Variants in TACR3 observed in about 807,000 individuals in gnomAD.
The protein encoded by TACR3 is tachykinin receptor 3.
A neutral mutation model predicts 35.0 loss-of-function variants in TACR3; 34 were observed. The observed-to-expected ratio is 0.97, with a 90% CI of 0.74 to 1.30. The LOEUF (loss-of-function observed/expected upper bound fraction) is 1.30, where lower values mean the gene tolerates loss of function less well. Ranked by LOEUF, TACR3 falls within the 50% of genes most tolerant of loss-of-function variation. The pLI is 0.00. For synonymous variants in TACR3, 233 were observed against 221.1 expected, an observed-to-expected ratio of 1.05 and a Z score of -0.48; for missense variants, 558 against 591.7, an observed-to-expected ratio of 0.94 and a Z score of 0.59.
intron 1 of TACR3, among the ~76,000 whole-genome samples, chr4:103,716,787 T>C (rs1171131638): frequency 6.6e-6 from 1 of 152,218 alleles, no homozygotes; most frequent in Non-Finnish European, 1.5e-5. Flanking sequence ...TAGGTTGATA[T>C]AATTCAGTTT....
chr4:103,643,980 T>A (rs1328844612), intron 3 of TACR3, among the ~76,000 whole-genome samples: 2 of 151,764 alleles, frequency 1.3e-5, no homozygotes, highest in African/African-American at 2.4e-5. Context: ...TCTTTTCTTA[T>A]CTTTTTAAAA....
At chr4:103,706,573 T>C (rs541017142) in intron 1 of TACR3, among the ~76,000 whole-genome samples, 25 of 152,256 alleles carry the variant, frequency 1.6e-4, no homozygotes, top group African/African-American at 5.5e-4. Context: ...GTATATAATG[T>C]ACTATACATG....
chr4:103,629,546 A>T (rs1160281433), intron 3 of TACR3, among the ~76,000 whole-genome samples: 12 of 152,148 alleles, frequency 7.9e-5, no homozygotes, highest in Non-Finnish European at 1.2e-4. Context: ...CACAATTGCT[A>T]CAAAGAGAAT....
intron 1 of TACR3, among the ~76,000 whole-genome samples, chr4:103,704,254 A>G (rs1170467217): frequency 1.3e-5 from 2 of 152,162 alleles, no homozygotes; most frequent in African/African-American, 4.8e-5. Flanking sequence ...CAAAGTTTGT[A>G]ACTTGTGAAT....
chr4:103,715,002 G>C (rs1723058327), intron 1 of TACR3, among the ~76,000 whole-genome samples: 1 of 152,094 alleles, frequency 6.6e-6, no homozygotes, highest in Non-Finnish European at 1.5e-5. Flanking sequence ...TAGCATAGAA[G>C]ACCAATTTTT....
Position 103,705,700 on chromosome 4 carries a change from C to T in TACR3, c.548+13428G>A, listed in dbSNP as rs950941599. ...TGAACTGTTATCTAAAAGAGGAGTA[C>T]ATTTAGCTAATGAGGAATTGGAAGA... On this transcript the variant is annotated intron_variant, in intron 1 of 4. Coordinates refer to ENST00000304883, the MANE Select transcript of TACR3 (RefSeq NM_001059.3). 2.6e-5 allele frequency among the ~76,000 whole-genome samples: 4 copies of T among 152,168 alleles called. No individual in the cohort carries two copies. In the East Asian group the frequency reaches 7.7e-4, roughly 29 times the overall value.
intron 3 of TACR3, among the ~76,000 whole-genome samples, chr4:103,604,979 C>A (rs1390058711): frequency 8.2e-6 from 1 of 121,418 alleles, no homozygotes; most frequent in Non-Finnish European, 1.7e-5. Context: ...ATCCCTCCCC[C>A]CTCCCCCCAC....
In TACR3 at chr4:103,614,869, G is replaced by C. The variant is rs1724599101; in HGVS notation, c.889-23186C>G. On this transcript the variant is annotated intron_variant, in intron 3 of 4. Transcript: ENST00000304883. The stretch of plus-strand genomic sequence containing the variant: ...TTAAATCATTAGCACTATAACCTAA[G>C]TTGATTATGAATGTGTTTTTTTTTT... 3.2e-5 allele frequency among the ~76,000 whole-genome samples: 4 copies of C among 125,708 alleles called. No individual in the cohort carries two copies. In the South Asian group the frequency reaches 1.1e-3, roughly 34 times the overall value. The allele number at this position is 125,708 out of a possible 152,430, so 82.5% of individuals were successfully genotyped here. A position where few individuals can be genotyped will look rare whatever the true frequency, so the allele number is the denominator to read the frequency against.
chr4:103,715,345 T>C lies in TACR3; in HGVS notation c.548+3783A>G, dbSNP rs185338299. Among the ~76,000 whole-genome samples, 24 of 152,254 alleles carry C rather than the reference T, an allele frequency of 1.6e-4. No individual in the cohort carries two copies. The East Asian group carries it at 3.1e-3, about 20-fold the overall frequency. ...CTTGTGAGATCTGGTTGTTCAGATGTGTGTAGCACATTCCCTCTCTCACTC... is the reference window on the plus strand; with the variant it reads ...CTTGTGAGATCTGGTTGTTCAGATGCGTGTAGCACATTCCCTCTCTCACTC... On this transcript the variant is annotated intron_variant, in intron 1 of 4. Transcript: ENST00000304883.
intron 3 of TACR3, among the ~76,000 whole-genome samples, chr4:103,627,004 C>T (rs59587616): frequency 3.4e-5 from 5 of 149,006 alleles, no homozygotes; most frequent in Non-Finnish European, 7.4e-5. Flanking sequence ...AAAACCCCAT[C>T]TCTGTGAAAA....
intron 1 of TACR3, among the ~76,000 whole-genome samples, chr4:103,690,206 A>C (rs1467179010): frequency 2.0e-5 from 3 of 152,176 alleles, no homozygotes; most frequent in Non-Finnish European, 4.4e-5. Context: ...AAAGAAAGCA[A>C]CATCAAATGG....
chr4:103,703,011 C>G (rs1239296124), intron 1 of TACR3, among the ~76,000 whole-genome samples: 1 of 151,772 alleles, frequency 6.6e-6, no homozygotes. Flanking sequence ...TGTAACAAAC[C>G]TGCGCGTTGT....
At chr4:103,714,997 T>C (rs1405018206) in intron 1 of TACR3, among the ~76,000 whole-genome samples, 1 of 152,178 alleles carries the variant, frequency 6.6e-6, no homozygotes, top group Non-Finnish European at 1.5e-5. Context: ...AAGGGTAGCA[T>C]AGAAGACCAA....
intron 1 of TACR3, among the ~76,000 whole-genome samples, chr4:103,698,333 A>G (rs2110221335): frequency 6.6e-6 from 1 of 152,228 alleles, no homozygotes; most frequent in African/African-American, 2.4e-5. Flanking sequence ...TACAATATAA[A>G]TACTCAATTT....
At chr4:103,688,129 G>C (rs1418783547) in intron 1 of TACR3, among the ~76,000 whole-genome samples, 24 of 152,088 alleles carry the variant, frequency 1.6e-4, no homozygotes, top group African/African-American at 4.6e-4. Context: ...ACAAACTTGA[G>C]AAAAACAAGA....
intron 1 of TACR3, among the ~76,000 whole-genome samples, chr4:103,675,916 A>G (rs1726160063): frequency 6.6e-6 from 1 of 152,144 alleles, no homozygotes; most frequent in Non-Finnish European, 1.5e-5. Context: ...AAAAATCGAA[A>G]TTATCCCTCT....
intron 1 of TACR3, among the ~76,000 whole-genome samples, chr4:103,713,010 C>T (rs1029760228): frequency 5.3e-5 from 8 of 152,114 alleles, no homozygotes; most frequent in Admixed American, 1.3e-4. Flanking sequence ...AATAGGAACA[C>T]TTTTACATTG....
At chr4:103,610,634 A>G (rs1410261336) in intron 3 of TACR3, among the ~76,000 whole-genome samples, 2 of 151,992 alleles carry the variant, frequency 1.3e-5, no homozygotes, top group Non-Finnish European at 2.9e-5. Flanking sequence ...TTAGTTTGTC[A>G]TCATCTTATT....
chr4:103,687,507 C>T (rs1173484328), intron 1 of TACR3, among the ~76,000 whole-genome samples: 2 of 152,132 alleles, frequency 1.3e-5, no homozygotes, highest in East Asian at 1.9e-4. Flanking sequence ...CCCATTGTCT[C>T]AGCCCAAAAT....
Sources: gnomAD v4.1 joint callset for allele counts (sites outside exome capture counted in the v4.1 genomes callset) on GRCh38, gnomAD v4.1.1 for gene constraint, MANE v1.5 for transcripts, NCBI Gene and HGNC (gene_info 2026-07-23, HGNC 2026-07-21) for gene names.